NSMCE2: variants seen among roughly 807,000 people sequenced by gnomAD.
NSMCE2 encodes the protein E3 SUMO-protein ligase NSE2.
In NSMCE2, 24 loss-of-function variants were observed where a neutral mutation model predicts 23.8. The observed-to-expected ratio is 1.01, with a 90% confidence interval of 0.73 to 1.42. The LOEUF is 1.42. NSMCE2 is among the 40% of genes most tolerant of loss of function. The pLI, the probability that NSMCE2 is intolerant of heterozygous loss-of-function variation, is 0.00. For missense variants in NSMCE2, 284 were observed against 296.5 expected, an observed-to-expected ratio of 0.96 and a Z score of 0.31; for synonymous variants, 92 against 94.1, an observed-to-expected ratio of 0.98 and a Z score of 0.13.
chr8:125,299,972 T>C (rs1478216064), intron 5 of NSMCE2, among the ~76,000 whole-genome samples: 1 of 151,500 alleles, frequency 6.6e-6, no homozygotes, highest in Non-Finnish European at 1.5e-5. Flanking sequence ...GTGCACGCCA[T>C]CATGCTTGGC....
At chr8:125,146,785 T>C (rs1820699096) in intron 3 of NSMCE2, among the ~76,000 whole-genome samples, 1 of 152,034 alleles carries the variant, frequency 6.6e-6, no homozygotes, top group South Asian at 2.1e-4. Flanking sequence ...TTAGGAGATA[T>C]ACCTAATGTT....
At chr8:125,139,303 A>G (rs1820232630) in intron 3 of NSMCE2, among the ~76,000 whole-genome samples, 1 of 152,152 alleles carries the variant, frequency 6.6e-6, no homozygotes, top group Non-Finnish European at 1.5e-5. Context: ...CTCAGTAAAT[A>G]TTTGTTGAAT....
intron 3 of NSMCE2, among the ~76,000 whole-genome samples, chr8:125,120,993 A>T (rs1443051015): frequency 6.6e-6 from 1 of 152,170 alleles, no homozygotes; most frequent in Admixed American, 6.5e-5. Context: ...AAAATGCTAC[A>T]CAGTGATTTT....
intron 3 of NSMCE2, among the ~76,000 whole-genome samples, chr8:125,119,378 G>GT (rs1819165365): frequency 6.6e-6 from 1 of 152,152 alleles, no homozygotes; most frequent in African/African-American, 2.4e-5. Flanking sequence ...TCACTTTTTA[G>GT]TTTTTAAAAC....
chr8:125,234,912 C>T (rs890568316), intron 5 of NSMCE2, among the ~76,000 whole-genome samples: 11 of 152,300 alleles, frequency 7.2e-5, no homozygotes, highest in African/African-American at 2.6e-4. Context: ...AATTTAAACA[C>T]TGCCAGTCCT....
intron 3 of NSMCE2, among the ~76,000 whole-genome samples, chr8:125,144,805 A>G (rs1820584527): frequency 1.3e-5 from 2 of 152,220 alleles, no homozygotes; most frequent in Admixed American, 1.3e-4. Context: ...GAATTTGATT[A>G]TAACACAAAA....
chr8:125,205,601 A>G (rs1170728939), intron 5 of NSMCE2, among the ~76,000 whole-genome samples: 1 of 152,184 alleles, frequency 6.6e-6, no homozygotes, highest in African/African-American at 2.4e-5. Flanking sequence ...CAAAAACTAG[A>G]AAGTATCTTA....
At chr8:125,158,830 A>T (rs2130715095) in intron 4 of NSMCE2, among the ~76,000 whole-genome samples, 1 of 152,336 alleles carries the variant, frequency 6.6e-6, no homozygotes, top group South Asian at 2.1e-4. Flanking sequence ...AGATGGGGAA[A>T]TAGACTGAAC....
At chr8:125,354,192 A>C (rs112955874) in intron 5 of NSMCE2, among the ~76,000 whole-genome samples, 1 of 152,100 alleles carries the variant, frequency 6.6e-6, no homozygotes, top group Non-Finnish European at 1.5e-5. Context: ...TCAGCCTCCC[A>C]AAGTGCTGGG....
At chr8:125,207,634 C>T (rs56135036) in intron 5 of NSMCE2, among the ~76,000 whole-genome samples, 9,763 of 152,220 alleles carry the variant, frequency 0.064, 421 homozygotes, top group South Asian at 0.15. Flanking sequence ...CACCCCAAAA[C>T]GTAGTAGCTT....
chr8:125,218,877 A>G (rs1586628602), intron 5 of NSMCE2, among the ~76,000 whole-genome samples: 1 of 152,234 alleles, frequency 6.6e-6, no homozygotes, highest in South Asian at 2.1e-4. Flanking sequence ...TTTAAACACA[A>G]TAAAACAATC....
chr8:125,104,905 C>A (rs1041749074), intron 3 of NSMCE2, among the ~76,000 whole-genome samples: 1 of 152,158 alleles, frequency 6.6e-6, no homozygotes, highest in Non-Finnish European at 1.5e-5. Context: ...TGCCAGTAGT[C>A]CCAGCTACTG....
chr8:125,291,172 G>A (rs754689043), intron 5 of NSMCE2, among the ~76,000 whole-genome samples: 2 of 152,158 alleles, frequency 1.3e-5, no homozygotes, highest in Admixed American at 1.3e-4. Flanking sequence ...TCAGAGGTAG[G>A]TGATGGTGTT....
intron 5 of NSMCE2, among the ~76,000 whole-genome samples, chr8:125,272,644 A>G (rs1044110277): frequency 1.6e-4 from 20 of 128,058 alleles, no homozygotes; most frequent in African/African-American, 5.8e-4. Context: ...TACTGCCACA[A>G]TAAAACAGTT....
chr8:125,212,329 G>A (rs1471077390), intron 5 of NSMCE2, among the ~76,000 whole-genome samples: 2 of 152,130 alleles, frequency 1.3e-5, no homozygotes, highest in East Asian at 1.9e-4. Flanking sequence ...GGTGAGTTAG[G>A]TGGGAAGAAT....
At chr8:125,247,774 T>A (rs914779981) in intron 5 of NSMCE2, among the ~76,000 whole-genome samples, 1 of 152,000 alleles carries the variant, frequency 6.6e-6, no homozygotes, top group African/African-American at 2.4e-5. Context: ...TGTTCATCAT[T>A]AGAAAAATCC....
chr8:125,139,570 A>G lies in NSMCE2; in HGVS notation c.158-11601A>G, dbSNP rs531904204. ...GTCATGTCTTGCATGGTGTCAGGTA[A>G]GAGAACCTGTGCAGGGCAACTCTCC... On this transcript the variant is annotated intron_variant, in intron 3 of 7. Coordinates refer to ENST00000287437, the MANE Select transcript of NSMCE2 (RefSeq NM_173685.4). Among the ~76,000 whole-genome samples, 74 of 152,324 alleles carry G rather than the reference A, an allele frequency of 4.9e-4. 2 individuals carry two copies. In the South Asian group the frequency reaches 0.015, roughly 32 times the overall value.
At chr8:125,353,896 A>C (rs905269210) in intron 5 of NSMCE2, among the ~76,000 whole-genome samples, 82 of 113,694 alleles carry the variant, frequency 7.2e-4, no homozygotes, top group African/African-American at 1.1e-3. Context: ...AAACTAAAAA[A>C]TAAAAAATAT....
intron 3 of NSMCE2, among the ~76,000 whole-genome samples, chr8:125,140,572 A>G (rs774759275): frequency 3.3e-5 from 5 of 152,190 alleles, no homozygotes; most frequent in Non-Finnish European, 5.9e-5. Context: ...CTGAGGTTCA[A>G]TCGCATGAAG....
Sources: gnomAD v4.1 joint callset for allele counts (sites outside exome capture counted in the v4.1 genomes callset) on GRCh38, gnomAD v4.1.1 for gene constraint, MANE v1.5 for transcripts, NCBI Gene and HGNC (gene_info 2026-07-23, HGNC 2026-07-21) for gene names.